FER1L6: variants seen among roughly 807,000 people sequenced by gnomAD.
FER1L6 encodes fer-1-like protein 6.
Under a neutral mutation model 219.2 loss-of-function variants are expected in FER1L6, and 177 were observed. That is an observed-to-expected ratio of 0.81 (90% CI 0.71 to 0.91). The LOEUF (loss-of-function observed/expected upper bound fraction) is 0.91, where lower values mean the gene tolerates loss of function less well. Among genes scored for constraint, FER1L6 ranks in the 40% least tolerant of loss-of-function variants. FER1L6 has a pLI of 0.00. For synonymous variants in FER1L6, 768 were observed against 824.3 expected (o/e 0.93, Z 1.17); for missense variants, 2,153 against 2,259.9 (o/e 0.95, Z 0.96).
intron 1 of FER1L6, among the ~76,000 whole-genome samples, chr8:123,891,388 G>A (rs141934627): frequency 4.5e-4 from 69 of 152,114 alleles, no homozygotes; most frequent in African/African-American, 1.4e-3. Flanking sequence ...TTCTCATATT[G>A]AAGTTCCAAA....
chr8:123,925,147 A>C (rs537319615), intron 1 of FER1L6, among the ~76,000 whole-genome samples: 221 of 152,352 alleles, frequency 1.5e-3, no homozygotes, highest in African/African-American at 4.9e-3. Flanking sequence ...CACTGAAAAC[A>C]GTGGCTTCAA....
intron 31 of FER1L6, among the ~76,000 whole-genome samples, chr8:124,072,583 T>G (rs918979703): frequency 4.6e-5 from 7 of 152,230 alleles, no homozygotes; most frequent in Non-Finnish European, 8.8e-5. Context: ...AAAAATGAAT[T>G]ATCCTTTAAT....
intron 39 of FER1L6, among the ~76,000 whole-genome samples, chr8:124,106,195 G>A (rs532625862): frequency 7.2e-5 from 11 of 152,084 alleles, no homozygotes; most frequent in African/African-American, 2.7e-4. Flanking sequence ...TGGGCGTGGT[G>A]GCGGGTGCCT....
At chr8:123,993,227 G>A (rs1430617511) in intron 12 of FER1L6, among the ~76,000 whole-genome samples, 1 of 151,898 alleles carries the variant, frequency 6.6e-6, no homozygotes, top group Non-Finnish European at 1.5e-5. Context: ...CGGATCACGA[G>A]GTCAGGAGAT....
chr8:123,895,220 CAA>C (rs1812724112), intron 1 of FER1L6, among the ~76,000 whole-genome samples: 1 of 152,084 alleles, frequency 6.6e-6, no homozygotes, highest in African/African-American at 2.4e-5. Context: ...CTGTAATCTT[CAA>C]AAAATGTTTT....
chr8:123,903,244 T>G (rs1238483602), intron 1 of FER1L6, among the ~76,000 whole-genome samples: 1 of 152,222 alleles, frequency 6.6e-6, no homozygotes, highest in Non-Finnish European at 1.5e-5. Flanking sequence ...TTTGCATCAT[T>G]CTAGTATATC....
At position 123,966,487 on chromosome 8, in the gene FER1L6, C is replaced by T. The variant is rs761112466; in HGVS notation, c.384+197C>T. 6.6e-5 allele frequency among the ~76,000 whole-genome samples: 10 copies of T among 152,140 alleles called. No individual in the cohort carries two copies. In the East Asian group the frequency reaches 1.5e-3, roughly 23 times the overall value. ...ACAAAAGGGTAGTGGAAAAGAGAGG[C>T]GAGGAATTCCTCCTGATTTTAAATT... On this transcript the variant is annotated intron_variant, in intron 5 of 40. Coordinates refer to ENST00000522917, the MANE Select transcript of FER1L6 (RefSeq NM_001039112.2).
intron 36 of FER1L6, 58 bp from the exon 37 acceptor site, chr8:124,097,727 A>C (rs1822367538): frequency 2.1e-6 from 2 of 936,864 alleles, no homozygotes; most frequent in East Asian, 4.8e-5. Context: ...AACCACACAG[A>C]CACCAACTGA....
intron 24 of FER1L6, among the ~76,000 whole-genome samples, chr8:124,061,164 A>C (rs528144609): frequency 2.6e-5 from 4 of 152,224 alleles, no homozygotes; most frequent in African/African-American, 4.8e-5. Context: ...CTACGTTTTT[A>C]AAAAAGTATT....
intron 12 of FER1L6, among the ~76,000 whole-genome samples, chr8:123,993,390 C>T (rs1262189923): frequency 4.1e-5 from 6 of 146,682 alleles, no homozygotes; most frequent in South Asian, 2.2e-4. Context: ...TGCAGTGAGC[C>T]GAGATCCCGC....
At chr8:123,973,368 G>T in intron 6 of FER1L6, 66 bp from the exon 7 acceptor site, 6 of 1,326,432 alleles carry the variant, frequency 4.5e-6, no homozygotes, top group Non-Finnish European at 6.5e-6. Flanking sequence ...GTCAAAGCTA[G>T]ACAAGGGTCA....
In FER1L6 at chr8:124,082,545, C is replaced by T; in HGVS notation, c.4391+87C>T. The T allele has an allele frequency of 5.4e-6, 7 of 1,292,434 alleles. No individual in the cohort carries two copies. In the Admixed American group the frequency reaches 6.0e-5, roughly 11 times the overall value. The allele number at this position is 1,292,434 out of a possible 1,614,324, so 80.1% of individuals were successfully genotyped here. A position where few individuals can be genotyped will look rare whatever the true frequency, so the allele number is the denominator to read the frequency against. On this transcript the variant is annotated intron_variant, in intron 33 of 40. Transcript: ENST00000522917. Reference sequence around the variant, plus strand: ...CAGACTCTGCATCCCAGTTGTCCATCTCTAGGAAGGCCAGACCAGGCTCAG... The same window carrying T: ...CAGACTCTGCATCCCAGTTGTCCATTTCTAGGAAGGCCAGACCAGGCTCAG...
intron 1 of FER1L6, among the ~76,000 whole-genome samples, chr8:123,855,768 G>GTA (rs200373312): frequency 0.033 from 4,771 of 145,992 alleles, 233 homozygotes; most frequent in African/African-American, 0.1. Context: ...ATATGTGTGT[G>GTA]TATATATATG....
intron 1 of FER1L6, among the ~76,000 whole-genome samples, chr8:123,953,705 T>C (rs1219175334): frequency 6.6e-6 from 1 of 152,174 alleles, no homozygotes; most frequent in East Asian, 1.9e-4. Flanking sequence ...CAACTCCCTA[T>C]TTATGGATGG....
chr8:123,891,717 G>A (rs572279841), intron 1 of FER1L6, among the ~76,000 whole-genome samples: 1 of 152,260 alleles, frequency 6.6e-6, no homozygotes, highest in South Asian at 2.1e-4. Flanking sequence ...TCCCAGGTAT[G>A]AAAAAGGCAC....
intron 5 of FER1L6, among the ~76,000 whole-genome samples, chr8:123,967,295 T>C (rs919167689): frequency 5.3e-5 from 8 of 152,140 alleles, no homozygotes; most frequent in African/African-American, 1.7e-4. Context: ...ACCCAAATGG[T>C]AGCATTCTAT....
rs924784430 is a variant in FER1L6, at chr8:124,070,332, G to T, written c.3835-135G>T. On this transcript the variant is annotated intron_variant, in intron 29 of 40. Transcript: ENST00000522917. ...AATCCACGTTCCTTATCTCACTGAAGATAAATTACCAGTGGCCTCAGATTT... is the reference window on the plus strand; with the variant it reads ...AATCCACGTTCCTTATCTCACTGAATATAAATTACCAGTGGCCTCAGATTT... The T allele has an allele frequency of 6.8e-6, 6 of 882,088 alleles. No homozygotes were observed. The Admixed American group carries it at 1.2e-4, about 18-fold the overall frequency. The allele number at this position is 882,088 out of a possible 1,614,324, so 54.6% of individuals were successfully genotyped here.
intron 6 of FER1L6, among the ~76,000 whole-genome samples, chr8:123,971,040 T>C (rs1815785309): frequency 6.6e-6 from 1 of 152,144 alleles, no homozygotes; most frequent in Non-Finnish European, 1.5e-5. Context: ...GTGTAGGAAG[T>C]CTGGAGAATA....
At chr8:124,098,124 G>A (rs1301327229) in intron 37 of FER1L6, among the ~76,000 whole-genome samples, 6 of 152,102 alleles carry the variant, frequency 3.9e-5, no homozygotes, top group Non-Finnish European at 8.8e-5. Flanking sequence ...TCAGTTAAAC[G>A]TTGGATACCT....
Sources: gnomAD v4.1 joint callset for allele counts (sites outside exome capture counted in the v4.1 genomes callset) on GRCh38, gnomAD v4.1.1 for gene constraint, MANE v1.5 for transcripts, NCBI Gene and HGNC (gene_info 2026-07-23, HGNC 2026-07-21) for gene names.